The following CACNA1D variants were observed in gnomAD, a reference collection of about 807,000 sequenced individuals.
The protein encoded by CACNA1D is voltage-dependent L-type calcium channel subunit alpha-1D.
A neutral mutation model predicts 257.1 loss-of-function variants in CACNA1D; 55 were observed. That is an observed-to-expected ratio of 0.21 (90% CI 0.17 to 0.27). The LOEUF is 0.27. Among genes scored for constraint, CACNA1D ranks in the 10% least tolerant of loss-of-function variants. CACNA1D has a pLI of 1.00. For synonymous variants in CACNA1D, 980 were observed against 1,014.9 expected, an observed-to-expected ratio of 0.97 and a Z score of 0.65; for missense variants, 1,876 against 2,784.0, an observed-to-expected ratio of 0.67 and a Z score of 7.34.
chr3:53,527,620 C>T (rs1470659315), intron 3 of CACNA1D, among the ~76,000 whole-genome samples: 2 of 152,186 alleles, frequency 1.3e-5, no homozygotes, highest in African/African-American at 4.8e-5. Context: ...GGTTGGGCTG[C>T]TGTGTATGAC....
At chr3:53,799,778 C>G in intron 40 of CACNA1D, 2 of 242,948 alleles carry the variant, frequency 8.2e-6, no homozygotes, top group South Asian at 1.2e-4. Flanking sequence ...CTGCTTGTGC[C>G]TCTGGCACCT....
At chr3:53,615,642 C>G (rs555093964) in intron 3 of CACNA1D, among the ~76,000 whole-genome samples, 2 of 152,316 alleles carry the variant, frequency 1.3e-5, no homozygotes, top group East Asian at 1.9e-4. Context: ...GCGAGAGGAG[C>G]CACCCTCACT....
In CACNA1D at chr3:53,786,961, TTG is replaced by T. The variant is rs1171102345; in HGVS notation, c.4923+11_4923+12del. 5 of 1,613,828 alleles carry T rather than the reference TTG, an allele frequency of 3.1e-6. No homozygotes were observed. Among genetic ancestry groups the T allele is most frequent in the African/African-American group, 1.3e-5 (1 of 74,932 alleles). On this transcript the variant is annotated intron_variant, in intron 40 of 47. Transcript: ENST00000350061. ...CCACAATTGCCCTACAGGTGAATTG[TTG>T]TCTCATTTTGTTTTCTCTTTTGACT...
intron 3 of CACNA1D, among the ~76,000 whole-genome samples, chr3:53,569,402 C>G (rs2092904846): frequency 1.3e-5 from 2 of 152,222 alleles, no homozygotes; most frequent in South Asian, 4.1e-4. Context: ...GTGCTCTCCA[C>G]TAGAATGTGG....
intron 2 of CACNA1D, 118 bp downstream of exon 2, chr3:53,497,579 T>C: frequency 9.4e-7 from 1 of 1,059,920 alleles, no homozygotes; most frequent in East Asian, 2.4e-5. Flanking sequence ...GTAACAGAAG[T>C]TGTATATAAG....
chr3:53,637,050 AT>A (rs2093892905), intron 3 of CACNA1D, among the ~76,000 whole-genome samples: 1 of 149,876 alleles, frequency 6.7e-6, no homozygotes, highest in South Asian at 2.1e-4. Flanking sequence ...TTTTTTTTTC[AT>A]TTTACCTTAT....
intron 32 of CACNA1D, 38 bp from the exon 33 acceptor site, chr3:53,772,795 G>A (rs1348728073): frequency 6.4e-7 from 1 of 1,567,352 alleles, no homozygotes; most frequent in Non-Finnish European, 8.8e-7. Flanking sequence ...CACGGGGACA[G>A]CCGGCTGGTG....
rs2095386724 is a variant in CACNA1D, at chr3:53,774,656, C to A, written c.4180C>A (p.Gln1394Lys). 1.2e-6 allele frequency: 2 copies of A among 1,611,930 alleles called. No individual in the cohort carries two copies. Among genetic ancestry groups the A allele is most frequent in the Non-Finnish European group, 1.7e-6 (2 of 1,178,016 alleles). Residue 1394 changes from glutamine to lysine, a missense_variant, in exon 34 of 48, where the codon CAG becomes AAG. Physicochemically the swap from Gln to Lys is moderately conservative, Grantham distance 53 (BLOSUM62 1). Around this residue, in one of 10 missense-constraint regions of CACNA1D, gnomAD observed 204 missense variants for 309.4 expected, o/e 0.66. Transcript: ENST00000350061. This position sits in a 1 kb window ranked among gnomAD's most constrained non-coding sequence, Gnocchi z 4.3. ...NRNNNFQTFP[Q>K]AVLLLFRCAT... Reference sequence around the variant, plus strand: ...GAACAATAACTTCCAGACGTTTCCCCAGGCGGTGCTGCTGCTCTTCAGGTG... The same window carrying A: ...GAACAATAACTTCCAGACGTTTCCCAAGGCGGTGCTGCTGCTCTTCAGGTG...
At chr3:53,686,237 C>G (rs2094472522) in intron 8 of CACNA1D, among the ~76,000 whole-genome samples, 1 of 151,992 alleles carries the variant, frequency 6.6e-6, no homozygotes, top group Non-Finnish European at 1.5e-5. Flanking sequence ...AATCTTCTCT[C>G]AAAGAAAATT....
intron 9 of CACNA1D, among the ~76,000 whole-genome samples, chr3:53,703,454 C>G (rs1421625803): frequency 6.6e-6 from 1 of 152,232 alleles, no homozygotes; most frequent in African/African-American, 2.4e-5. Flanking sequence ...CAGTCCATCA[C>G]TGACATTAAT....
chr3:53,623,475 A>T (rs2093721802), intron 3 of CACNA1D, among the ~76,000 whole-genome samples: 1 of 152,222 alleles, frequency 6.6e-6, no homozygotes, highest in Admixed American at 6.5e-5. Flanking sequence ...AGGTAGTGGA[A>T]TTGTGGGTAT....
chr3:53,697,596 A>T (rs1485027523), intron 8 of CACNA1D, among the ~76,000 whole-genome samples: 3 of 152,176 alleles, frequency 2.0e-5, no homozygotes, highest in Non-Finnish European at 2.9e-5. Context: ...ATATAGAACA[A>T]CCCCAAGAAT....
Position 53,776,959 on chromosome 3 carries a change from G to A in CACNA1D, c.4587+3G>A. On this transcript the variant is annotated splice_donor_region_variant and intron_variant, in intron 37 of 47. Transcript: ENST00000350061. ...GTCCACACAGGGTAGCGTGCAAGGT[G>A]AGTGTCCTGTGTGCGTGTCTGACAG... 1 of 1,609,234 alleles carries A rather than the reference G, an allele frequency of 6.2e-7. No individual in the cohort carries two copies. Among genetic ancestry groups the A allele is most frequent in the Non-Finnish European group, 8.5e-7 (1 of 1,175,602 alleles).
At chr3:53,501,163 C>T (rs1020222561) in intron 2 of CACNA1D, among the ~76,000 whole-genome samples, 1 of 152,150 alleles carries the variant, frequency 6.6e-6, no homozygotes, top group African/African-American at 2.4e-5. Context: ...CAAGAATAGC[C>T]CCTGAGAAAA....
At chr3:53,517,706 A>T (rs1269636577) in intron 3 of CACNA1D, among the ~76,000 whole-genome samples, 36 of 151,492 alleles carry the variant, frequency 2.4e-4, no homozygotes, top group Non-Finnish European at 1.5e-5. Flanking sequence ...CTGGTCTCAA[A>T]CTCCTGACCT....
intron 3 of CACNA1D, among the ~76,000 whole-genome samples, chr3:53,648,479 A>G (rs957976256): frequency 2.0e-5 from 3 of 152,064 alleles, no homozygotes; most frequent in African/African-American, 7.2e-5. Flanking sequence ...TCCAGTGGCA[A>G]TGCTGGTCCC....
intron 9 of CACNA1D, among the ~76,000 whole-genome samples, chr3:53,707,794 TA>T (rs112419673): frequency 0.22 from 32,505 of 146,794 alleles, 3,940 homozygotes; most frequent in East Asian, 0.38. Context: ...TGATTAGTCT[TA>T]AAAAAAAAAA....
chr3:53,556,020 T>C (rs2107611484), intron 3 of CACNA1D, among the ~76,000 whole-genome samples: 1 of 152,328 alleles, frequency 6.6e-6, no homozygotes, highest in East Asian at 1.9e-4. Context: ...TGATCTGTTC[T>C]CTATTGCTAT....
intron 3 of CACNA1D, among the ~76,000 whole-genome samples, chr3:53,642,665 T>C (rs1414344210): frequency 6.6e-6 from 1 of 152,260 alleles, no homozygotes; most frequent in East Asian, 1.9e-4. Flanking sequence ...ACAGACCGCA[T>C]GTCCTTGAAG....
Sources: gnomAD v4.1 joint callset for allele counts (sites outside exome capture counted in the v4.1 genomes callset) on GRCh38, gnomAD v4.1.1 for gene constraint, gnomAD v4.1.1 regional missense constraint, Gnocchi (gnomAD v3.1) non-coding constraint, MANE v1.5 for transcripts, NCBI Gene and HGNC (gene_info 2026-07-23, HGNC 2026-07-21) for gene names.